Variants in RANBP9 observed in about 807,000 individuals in gnomAD.
RANBP9 encodes the protein RAN binding protein 9.
In RANBP9, 15 loss-of-function variants were observed where a neutral mutation model predicts 84.3. The ratio of observed to expected loss-of-function variants is 0.18; its 90% CI spans 0.12 to 0.27. RANBP9 has a LOEUF of 0.27. Ranked by LOEUF, RANBP9 falls within the 10% of genes least tolerant of loss-of-function variation. The pLI is 1.00. For missense variants in RANBP9, 809 were observed against 912.8 expected, an observed-to-expected ratio of 0.89 and a Z score of 1.46; for synonymous variants, 392 against 349.6, an observed-to-expected ratio of 1.12 and a Z score of -1.35.
intron 2 of RANBP9, among the ~76,000 whole-genome samples, chr6:13,680,876 G>T (rs922295957): frequency 6.6e-6 from 1 of 152,054 alleles, no homozygotes; most frequent in Non-Finnish European, 1.5e-5. Context: ...GGACTTAAAA[G>T]AATATTGTTC....
chr6:13,692,858 A>T (rs1006477714), intron 2 of RANBP9, among the ~76,000 whole-genome samples: 1 of 152,216 alleles, frequency 6.6e-6, no homozygotes, highest in Admixed American at 6.5e-5. Context: ...GTCTCAAAAC[A>T]AAACAAACAA....
At chr6:13,645,940 T>C (rs1448163057) in intron 5 of RANBP9, among the ~76,000 whole-genome samples, 1 of 152,074 alleles carries the variant, frequency 6.6e-6, no homozygotes, top group African/African-American at 2.4e-5. Context: ...TACATCAAAA[T>C]ATCAAAAATA....
chr6:13,692,307 G>A (rs549495016), intron 2 of RANBP9, among the ~76,000 whole-genome samples: 142 of 149,938 alleles, frequency 9.5e-4, no homozygotes, highest in Non-Finnish European at 1.1e-3. Flanking sequence ...AGGCCGAGGC[G>A]GGTGGATCAC....
chr6:13,671,788 A>G (rs1010590433), intron 2 of RANBP9, among the ~76,000 whole-genome samples: 2 of 152,088 alleles, frequency 1.3e-5, no homozygotes, highest in African/African-American at 4.8e-5. Flanking sequence ...ATCTCAATAC[A>G]ACTCTCATTA....
chr6:13,647,811 A>C, intron 5 of RANBP9, among the ~76,000 whole-genome samples: 1 of 152,228 alleles, frequency 6.6e-6, no homozygotes, highest in East Asian at 1.9e-4. Flanking sequence ...CTGAAAAGTA[A>C]GTATAATTGT....
chr6:13,690,811 G>C (rs1258602810), intron 2 of RANBP9, among the ~76,000 whole-genome samples: 1 of 151,958 alleles, frequency 6.6e-6, no homozygotes, highest in Non-Finnish European at 1.5e-5. Flanking sequence ...TCATCTCAAC[G>C]GTCAATGATC....
In RANBP9 at chr6:13,711,590, C is replaced by G. The variant is rs1246199633; in HGVS notation, c.-85G>C. The G allele has an allele frequency of 1.7e-6, 2 of 1,173,396 alleles. No homozygotes were observed. The highest frequency in any genetic ancestry group is 2.1e-6 in the Non-Finnish European group (2 of 942,072). 72.7% of individuals were successfully genotyped at this position (1,173,396 alleles called of 1,614,324 possible). A position where few individuals can be genotyped will look rare whatever the true frequency, so the allele number is the denominator to read the frequency against. On this transcript the variant is annotated 5_prime_UTR_variant, in exon 1 of 14. Transcript: ENST00000011619. ...CCGGGGGCGCTGTCGCTGCGGCCGC[C>G]GGCACCAGGCGCCCAGTCCGCCCGC...
Position 13,629,428 on chromosome 6 carries a change from C to G in RANBP9, c.1947+2942G>C, listed in dbSNP as rs187197099. ...GAGTTAAGGCACAAAACTGAAAATA[C>G]CTGAAATATGTAGCATTATGGGTTA... On this transcript the variant is annotated intron_variant, in intron 12 of 13. Transcript: ENST00000011619. Among the ~76,000 whole-genome samples, 168 of 152,196 alleles carry G rather than the reference C, an allele frequency of 1.1e-3. 2 individuals carry two copies. The highest frequency in any genetic ancestry group is 3.9e-3 in the African/African-American group (162 of 41,514).
At chr6:13,670,840 A>G (rs1447275726) in intron 2 of RANBP9, among the ~76,000 whole-genome samples, 1 of 151,446 alleles carries the variant, frequency 6.6e-6, no homozygotes, top group Non-Finnish European at 1.5e-5. Context: ...ACTAGACTCC[A>G]TAAAATTTAA....
At chr6:13,697,321 C>T (rs1005280056) in intron 1 of RANBP9, among the ~76,000 whole-genome samples, 4 of 152,082 alleles carry the variant, frequency 2.6e-5, no homozygotes, top group African/African-American at 9.7e-5. Context: ...CTCTTTAAAC[C>T]AGAAGCATCT....
chr6:13,694,747 C>A (rs1355280106), intron 2 of RANBP9, among the ~76,000 whole-genome samples: 4 of 152,188 alleles, frequency 2.6e-5, no homozygotes, highest in African/African-American at 4.8e-5. Flanking sequence ...CCTGTCCCCA[C>A]CTGGGAATCA....
chr6:13,691,654 T>G (rs528065064), intron 2 of RANBP9, among the ~76,000 whole-genome samples: 11 of 152,236 alleles, frequency 7.2e-5, no homozygotes, highest in African/African-American at 9.6e-5. Flanking sequence ...AGTGTTTTTT[T>G]TTTGTTTGTT....
rs1766300323 is a variant in RANBP9 at position 13,690,606 on chromosome 6, T to A, written c.683+6179A>T. ...ACTGAAACACTGTCAAAGAGTGGCATCAATATTTTGTTTGAAGAGCTAAAA... is the reference window on the plus strand; with the variant it reads ...ACTGAAACACTGTCAAAGAGTGGCAACAATATTTTGTTTGAAGAGCTAAAA... On this transcript the variant is annotated intron_variant, in intron 2 of 13. Transcript: ENST00000011619. 2.6e-5 allele frequency among the ~76,000 whole-genome samples: 4 copies of A among 152,348 alleles called. No homozygotes were observed. The South Asian group carries it at 8.3e-4, about 32-fold the overall frequency.
At chr6:13,658,937 A>G in intron 2 of RANBP9, 105 bp from the exon 3 acceptor site, 1 of 1,131,518 alleles carries the variant, frequency 8.8e-7, no homozygotes, top group South Asian at 1.3e-5. Context: ...CCCAAGTTGG[A>G]ACTCCTAAGG....
Position 13,622,464 on chromosome 6 carries a change from T to G in RANBP9, c.2088A>C (p.Pro696=). The change falls in exon 14 of 14, where the codon CCA becomes CCC. Residue 696 remains proline, a synonymous_variant. Coordinates refer to ENST00000011619, the MANE Select transcript of RANBP9 (RefSeq NM_005493.3). Reference sequence around the variant, plus strand: ...TGGCCTGTCCCATTGCTAGGGCAAGTGGAGGTTGCTTTGGCAGATTGTGGG... The same window carrying G: ...TGGCCTGTCCCATTGCTAGGGCAAGGGGAGGTTGCTTTGGCAGATTGTGGG... The part of the protein sequence containing the change: ...LETHNLPKQP[P]LALAMGQATQ... 2 of 1,591,736 alleles carry G rather than the reference T, an allele frequency of 1.3e-6. No individual in the cohort carries two copies. Among genetic ancestry groups the G allele is most frequent in the Non-Finnish European group, 1.7e-6 (2 of 1,170,000 alleles).
At chr6:13,643,056 A>G (rs561272162) in intron 6 of RANBP9, among the ~76,000 whole-genome samples, 1 of 152,130 alleles carries the variant, frequency 6.6e-6, no homozygotes, top group Non-Finnish European at 1.5e-5. Flanking sequence ...TTCTTTACAC[A>G]CCGGTTAAAT....
intron 5 of RANBP9, among the ~76,000 whole-genome samples, chr6:13,645,496 G>A (rs1765159521): frequency 6.6e-6 from 1 of 152,130 alleles, no homozygotes; most frequent in South Asian, 2.1e-4. Flanking sequence ...TCACTAATTG[G>A]TTGTTACATC....
chr6:13,622,439 T>C lies in RANBP9; in HGVS notation c.2113A>G (p.Thr705Ala). The C allele has an allele frequency of 6.2e-7, 1 of 1,604,688 alleles. No individual in the cohort carries two copies. Among genetic ancestry groups the C allele is most frequent in the Non-Finnish European group, 8.5e-7 (1 of 1,175,574 alleles). The change falls in exon 14 of 14, where the codon ACA becomes GCA. Residue 705 changes from threonine (T) to alanine (A), a missense_variant. Coordinates refer to ENST00000011619, the MANE Select transcript of RANBP9 (RefSeq NM_005493.3). Reference protein sequence around the residue: ...PPLALAMGQATQCLGLMARSG... With the variant: ...PPLALAMGQAAQCLGLMARSG... ...CGAGCCATCAGTCCTAGACATTGTG[T>C]GGCCTGTCCCATTGCTAGGGCAAGT...
At chr6:13,665,820 A>G (rs1765631462) in intron 2 of RANBP9, among the ~76,000 whole-genome samples, 1 of 152,234 alleles carries the variant, frequency 6.6e-6, no homozygotes, top group South Asian at 2.1e-4. Flanking sequence ...AAATGGATCA[A>G]TCTCAAAATG....
Sources: allele counts gnomAD v4.1 joint callset (sites outside exome capture counted in the v4.1 genomes callset), GRCh38; gene constraint gnomAD v4.1.1; transcripts MANE v1.5; gene names NCBI Gene and HGNC (gene_info 2026-07-23, HGNC 2026-07-21).